ACAD11: variants seen among roughly 807,000 people sequenced by gnomAD.
ACAD11 encodes the protein acyl-Coenzyme A dehydrogenase family, member 11.
Under a neutral mutation model 102.2 loss-of-function variants are expected in ACAD11, and 83 were observed. The ratio of observed to expected loss-of-function variants is 0.81; its 90% confidence interval spans 0.68 to 0.97. The LOEUF (loss-of-function observed/expected upper bound fraction) is 0.97. Ranked by LOEUF, ACAD11 falls within the 50% of genes least tolerant of loss-of-function variation. The pLI is 0.00. For missense variants in ACAD11, 901 were observed against 951.7 expected (o/e 0.95, Z 0.70); for synonymous variants, 324 against 319.8 (o/e 1.01, Z -0.14).
chr3:132,655,539 GA>G (rs1485391581), intron 1 of ACAD11, among the ~76,000 whole-genome samples: 1 of 152,124 alleles, frequency 6.6e-6, no homozygotes, highest in African/African-American at 2.4e-5. Flanking sequence ...CCTCTGTCTG[GA>G]ACACTCTTTT....
chr3:132,596,966 C>T (rs2107814699), intron 13 of ACAD11, among the ~76,000 whole-genome samples: 1 of 152,304 alleles, frequency 6.6e-6, no homozygotes, highest in Admixed American at 6.5e-5. Context: ...ATGCTACCTA[C>T]AAGTGCTGCC....
At chr3:132,598,690 G>A (rs560919084) in intron 13 of ACAD11, among the ~76,000 whole-genome samples, 1 of 152,340 alleles carries the variant, frequency 6.6e-6, no homozygotes, top group African/African-American at 2.4e-5. Flanking sequence ...TAAAGGAACA[G>A]AATGAGCAAT....
chr3:132,626,587 T>A, intron 9 of ACAD11, 104 bp downstream of exon 9: 1 of 1,340,550 alleles, frequency 7.5e-7, no homozygotes, highest in Non-Finnish European at 1.0e-6. Flanking sequence ...TAGGTAAGGA[T>A]TGACTAAAGA....
intron 13 of ACAD11, among the ~76,000 whole-genome samples, chr3:132,581,169 G>A (rs764745472): frequency 2.0e-5 from 3 of 151,898 alleles, no homozygotes; most frequent in Non-Finnish European, 2.9e-5. Flanking sequence ...TAAAAGGACC[G>A]AGGATTAGTC....
rs537408037 is a variant in ACAD11, at chr3:132,575,256, A to T, written c.2001+516T>A. Among the ~76,000 whole-genome samples the T allele has an allele frequency of 3.4e-3, 516 of 152,314 alleles. 2 individuals are homozygous for T. The highest frequency in any genetic ancestry group is 0.012 in the African/African-American group (492 of 41,580). ...CAGATGATAATTCAAAAAGTCATGAATATCTCACAAAATGTTGGTCCCATT... is the reference window on the plus strand; with the variant it reads ...CAGATGATAATTCAAAAAGTCATGATTATCTCACAAAATGTTGGTCCCATT... On this transcript the variant is annotated intron_variant, in intron 17 of 19. Transcript: ENST00000264990.
chr3:132,659,524 G>T, intron 1 of ACAD11, 79 bp downstream of exon 1: 1 of 1,588,896 alleles, frequency 6.3e-7, no homozygotes, highest in Non-Finnish European at 8.6e-7. Flanking sequence ...GAGAAACTTA[G>T]GAAACCACCC....
At chr3:132,644,536 A>G (rs1028902555) in intron 2 of ACAD11, among the ~76,000 whole-genome samples, 1 of 152,196 alleles carries the variant, frequency 6.6e-6, no homozygotes, top group East Asian at 1.9e-4. Context: ...CTTCTAGCAA[A>G]CAACGTAGAG....
intron 13 of ACAD11, among the ~76,000 whole-genome samples, chr3:132,589,315 T>C (rs1232396192): frequency 2.0e-5 from 3 of 152,242 alleles, no homozygotes; most frequent in African/African-American, 7.2e-5. Flanking sequence ...GATGATTTAA[T>C]GGCAGATGAC....
intron 9 of ACAD11, among the ~76,000 whole-genome samples, chr3:132,622,941 G>C (rs1415818545): frequency 1.3e-5 from 2 of 152,188 alleles, no homozygotes; most frequent in African/African-American, 4.8e-5. Context: ...CAGCAGGAAA[G>C]TATGATTAAT....
Position 132,603,241 on chromosome 3 carries a change from A to G in ACAD11, c.1609T>C (p.Trp537Arg). Residue 537 changes from tryptophan (W) to arginine (R), a missense_variant, in exon 13 of 20, where the codon TGG (tryptophan) becomes CGG (arginine). Physicochemically the swap from Trp to Arg is moderately radical, Grantham distance 101. Coordinates refer to ENST00000264990, the MANE Select transcript of ACAD11 (RefSeq NM_032169.5). ...GCTGAACACTCACCACTGCTCCACC[A>G]TTTTTTGCCGTTAATTACATAGCTA... ...EDSYVINGKK[W>R]WSSGAGNPKC... is the part of the protein sequence containing the mutation. 1 of 1,613,986 alleles carries G rather than the reference A, an allele frequency of 6.2e-7. No homozygotes were observed. The highest frequency in any genetic ancestry group is 8.5e-7 in the Non-Finnish European group (1 of 1,179,894).
At chr3:132,643,836 T>C (rs1256200719) in intron 2 of ACAD11, among the ~76,000 whole-genome samples, 1 of 151,562 alleles carries the variant, frequency 6.6e-6, no homozygotes, top group Non-Finnish European at 1.5e-5. Flanking sequence ...CAGAAGGGAG[T>C]TGAAACAGAG....
intron 12 of ACAD11, 113 bp downstream of exon 12, chr3:132,604,985 G>A (rs1158932578): frequency 1.4e-6 from 1 of 714,380 alleles, no homozygotes; most frequent in Non-Finnish European, 2.2e-6. Flanking sequence ...CACATTTTTG[G>A]CCAATGGCAA....
intron 5 of ACAD11, among the ~76,000 whole-genome samples, chr3:132,633,002 C>T (rs971507790): frequency 6.6e-5 from 10 of 152,182 alleles, no homozygotes; most frequent in African/African-American, 2.4e-4. Context: ...TCTAGATATA[C>T]AGTCATGTCA....
At chr3:132,639,680 A>G in intron 4 of ACAD11, 24 bp from the exon 5 acceptor site, 1 of 1,592,530 alleles carries the variant, frequency 6.3e-7, no homozygotes, top group Non-Finnish European at 8.5e-7. Context: ...AATAAGAAAA[A>G]TGGTAAAGCT....
At chr3:132,632,647 G>C (rs962789193) in intron 5 of ACAD11, among the ~76,000 whole-genome samples, 3 of 152,074 alleles carry the variant, frequency 2.0e-5, no homozygotes, top group South Asian at 2.1e-4. Flanking sequence ...GGATGGCATT[G>C]AATCTATAAA....
chr3:132,581,823 AT>A (rs35010567), intron 13 of ACAD11, among the ~76,000 whole-genome samples: 17,774 of 151,992 alleles, frequency 0.12, 1,549 homozygotes, highest in East Asian at 0.53. Flanking sequence ...AGGACACAAA[AT>A]CTAACACACT....
At chr3:132,607,278 C>T (rs552542150) in intron 11 of ACAD11, among the ~76,000 whole-genome samples, 26 of 152,106 alleles carry the variant, frequency 1.7e-4, no homozygotes, top group Non-Finnish European at 3.2e-4. Flanking sequence ...ATGAGTTTGA[C>T]GAATTGACAG....
Position 132,558,878 on chromosome 3 carries a change from A to G in ACAD11, c.*93T>C. ...AATGAATAATTAACCCTGTGCTCAA[A>G]CTGCTACAAAAATATGAGATTCAAA... On this transcript the variant is annotated 3_prime_UTR_variant, in exon 20 of 20. Transcript: ENST00000264990. 2.2e-6 allele frequency: 2 copies of G among 898,014 alleles called. No individual in the cohort carries two copies. Among genetic ancestry groups the G allele is most frequent in the South Asian group, 3.1e-5 (2 of 63,692 alleles). 55.6% of individuals were successfully genotyped at this position (898,014 alleles called of 1,614,324 possible).
At chr3:132,618,850 G>C (rs1428544430) in intron 10 of ACAD11, 78 bp from the exon 11 acceptor site, 2 of 1,313,804 alleles carry the variant, frequency 1.5e-6, no homozygotes, top group East Asian at 2.8e-5. Context: ...TTTAAATATT[G>C]GTATTTATGA....
Sources: gnomAD v4.1 joint callset for allele counts (sites outside exome capture counted in the v4.1 genomes callset) on GRCh38, gnomAD v4.1.1 for gene constraint, MANE v1.5 for transcripts, NCBI Gene and HGNC (gene_info 2026-07-23, HGNC 2026-07-21) for gene names.